The following NFYB variants were observed in gnomAD, a reference collection of about 807,000 sequenced individuals.
The protein encoded by NFYB is nuclear transcription factor Y subunit beta, also known as CAAT box DNA-binding protein subunit B.
A neutral mutation model predicts 28.0 loss-of-function variants in NFYB; 13 were observed. The ratio of observed to expected loss-of-function variants is 0.46; its 90% confidence interval spans 0.30 to 0.74. NFYB has a LOEUF of 0.74. NFYB is among the 30% of genes least tolerant of loss of function. The pLI, the probability that NFYB is intolerant of heterozygous loss-of-function variation, is 0.07. For missense variants in NFYB, 142 were observed against 247.6 expected (o/e 0.57, Z 2.86); for synonymous variants, 74 against 75.0 (o/e 0.99, Z 0.07).
chr12:104,126,160 G>C lies in NFYB; in HGVS notation c.185C>G (p.Ala62Gly). 1 of 1,602,734 alleles carries C rather than the reference G, an allele frequency of 6.2e-7. No homozygotes were observed. The highest frequency in any genetic ancestry group is 1.7e-5 in the Admixed American group (1 of 58,314). Residue 62 changes from alanine to glycine, a missense_variant, in exon 4 of 8, where the codon GCA becomes GGA. By Grantham distance (60) the Ala-to-Gly change is moderately conservative. Around this residue, in one of 2 missense-constraint regions of NFYB, gnomAD observed 88 missense variants for 189.5 expected, o/e 0.46. Coordinates refer to ENST00000240055, the MANE Select transcript of NFYB (RefSeq NM_006166.4). ...ATTTTTCATTATCCTAGCCACGTTT[G>C]CTATTGGAAGATATATATCTTGTTC... Reference protein sequence around the residue: ...FREQDIYLPIANVARIMKNAI... With the variant: ...FREQDIYLPIGNVARIMKNAI...
chr12:104,126,105 C>T lies in NFYB; in HGVS notation c.231+9G>A, dbSNP rs1250230196. On this transcript the variant is annotated intron_variant, in intron 4 of 7. Transcript: ENST00000240055. ...GAAAAAACCTAGTTAAATTTCTCCT[C>T]TACGTTACCTTTCCCGTTTGAGGTA... 2 of 1,576,716 alleles carry T rather than the reference C, an allele frequency of 1.3e-6. No homozygotes were observed. The highest frequency in any genetic ancestry group is 4.6e-5 in the East Asian group (2 of 43,914).
intron 2 of NFYB, chr12:104,131,923 A>G: frequency 2.7e-6 from 1 of 364,252 alleles, no homozygotes. Context: ...CCTAGTTTGA[A>G]TTCCCTGCCA....
At position 104,120,409 on chromosome 12, in the gene NFYB, T is replaced by A. The variant is rs970778824; in HGVS notation, c.582A>T (p.Ser194=). ...ATACAAAGGACTGTACCTGTTGATA[T>A]GATGTTGTGTAAACCATAACATTTT... ...QQQNVMVYTT[S]YQQISGVQQI... Residue 194 remains serine, a synonymous_variant, in exon 7 of 8, where the codon TCA becomes TCT. Transcript: ENST00000240055. 1 of 1,612,112 alleles carries A rather than the reference T, an allele frequency of 6.2e-7. No homozygotes were observed. Among genetic ancestry groups the A allele is most frequent in the East Asian group, 2.2e-5 (1 of 44,882 alleles).
intron 2 of NFYB, 124 bp from the exon 3 acceptor site, chr12:104,128,641 A>G: frequency 1.9e-6 from 1 of 526,590 alleles, no homozygotes; most frequent in Non-Finnish European, 3.4e-6. Flanking sequence ...AAGCTTACTA[A>G]AAGAGAATTT....
intron 1 of NFYB, chr12:104,137,799 G>A (rs2031169842): frequency 6.8e-6 from 1 of 147,296 alleles, no homozygotes; most frequent in South Asian, 2.1e-4. Flanking sequence ...GGACGCCGTC[G>A]AGAGCGGGGC....
In NFYB at chr12:104,123,200, A is replaced by G. The variant is rs550410209; in HGVS notation, c.429+26T>C. 316 of 1,548,348 alleles carry G rather than the reference A, an allele frequency of 2.0e-4. 2 individuals are homozygous for G. The East Asian group carries it at 7.0e-3, about 34-fold the overall frequency. ...CAAAAAAAAAAAGAAGAAAAAAAAA[A>G]GCACAATGGGAGATATTTTATTTAC... On this transcript the variant is annotated intron_variant, in intron 5 of 7. Coordinates refer to ENST00000240055, the MANE Select transcript of NFYB (RefSeq NM_006166.4).
chr12:104,124,542 G>A (rs554252683), intron 4 of NFYB, among the ~76,000 whole-genome samples: 1 of 152,288 alleles, frequency 6.6e-6, no homozygotes, highest in East Asian at 1.9e-4. Context: ...AGCCACATAT[G>A]TCAGTTTAGA....
At chr12:104,120,548 T>C (rs1369001360) in intron 6 of NFYB, 69 bp from the exon 7 acceptor site, 1 of 1,091,076 alleles carries the variant, frequency 9.2e-7, no homozygotes, top group African/African-American at 1.5e-5. Flanking sequence ...TATCTTAAGG[T>C]TGTACCATTA....
chr12:104,127,087 G>A (rs1047742143), intron 3 of NFYB, among the ~76,000 whole-genome samples: 5 of 152,134 alleles, frequency 3.3e-5, no homozygotes. Flanking sequence ...ACTAAATGCA[G>A]TATCCTGTAA....
In NFYB at chr12:104,124,251, G is replaced by T. The variant is rs375618270; in HGVS notation, c.232-828C>A. Among the ~76,000 whole-genome samples, 5 of 152,326 alleles carry T rather than the reference G, an allele frequency of 3.3e-5. No homozygotes were observed. In the East Asian group the frequency reaches 5.8e-4, roughly 18 times the overall value. On this transcript the variant is annotated intron_variant, in intron 4 of 7. Coordinates refer to ENST00000240055, the MANE Select transcript of NFYB (RefSeq NM_006166.4). The stretch of plus-strand genomic sequence containing the variant: ...TGACTTTGACTTTTTTATTATTTGG[G>T]ATACACAGTGTCAGATACAGGTTTT...
At chr12:104,125,273 T>G (rs2136654909) in intron 4 of NFYB, 1 of 156,318 alleles carries the variant, frequency 6.4e-6, no homozygotes, top group Non-Finnish European at 1.4e-5. Context: ...CCCGATCTCG[T>G]CTGATCTCGG....
rs536982251 is a variant in NFYB, at chr12:104,121,331, GAA to G, written c.430-12_430-11del. ...TTTCTCCTTTCATAGCCTGAGGAAG[GAA>G]AAAAAAAAAGTCACTGATATTCAAA... On this transcript the variant is annotated splice_polypyrimidine_tract_variant and intron_variant, in intron 5 of 7. Coordinates refer to ENST00000240055, the MANE Select transcript of NFYB (RefSeq NM_006166.4). The G allele has an allele frequency of 2.8e-4, 344 of 1,248,832 alleles. 2 individuals carry two copies. The South Asian group carries it at 3.7e-3, about 14-fold the overall frequency. 77.4% of individuals were successfully genotyped at this position (1,248,832 alleles called of 1,614,324 possible).
intron 5 of NFYB, among the ~76,000 whole-genome samples, chr12:104,122,764 C>A (rs1184699551): frequency 6.6e-6 from 1 of 152,142 alleles, no homozygotes; most frequent in Non-Finnish European, 1.5e-5. Flanking sequence ...TTGAGGACTG[C>A]TGATATAAGC....
At chr12:104,127,665 T>TC (rs1708593471) in intron 3 of NFYB, among the ~76,000 whole-genome samples, 1 of 113,080 alleles carries the variant, frequency 8.8e-6, no homozygotes, top group Non-Finnish European at 2.0e-5. Flanking sequence ...AACACTGCCT[T>TC]TTTTTTTTTT....
intron 3 of NFYB, among the ~76,000 whole-genome samples, 186 bp from the exon 4 acceptor site, chr12:104,126,430 T>A (rs761831795): frequency 6.6e-6 from 1 of 152,178 alleles, no homozygotes; most frequent in Non-Finnish European, 1.5e-5. Flanking sequence ...TTTATTAATT[T>A]CAGACTCACT....
intron 2 of NFYB, among the ~76,000 whole-genome samples, chr12:104,134,753 T>C (rs1027242228): frequency 5.9e-5 from 9 of 152,216 alleles, no homozygotes; most frequent in Non-Finnish European, 1.0e-4. Context: ...ATAAAAATCT[T>C]TGTGCTAGAA....
chr12:104,126,881 T>C (rs1243400910), intron 3 of NFYB, among the ~76,000 whole-genome samples: 1 of 152,230 alleles, frequency 6.6e-6, no homozygotes, highest in Non-Finnish European at 1.5e-5. Context: ...CTTGTCTGTA[T>C]AAAGTTTATA....
At chr12:104,136,636 T>C (rs1457149080) in intron 1 of NFYB, among the ~76,000 whole-genome samples, 1 of 152,146 alleles carries the variant, frequency 6.6e-6, no homozygotes, top group Non-Finnish European at 1.5e-5. Flanking sequence ...GCTATATTTA[T>C]GTATTTTGCT....
intron 2 of NFYB, among the ~76,000 whole-genome samples, chr12:104,135,040 C>CT (rs1323043116): frequency 6.6e-6 from 1 of 152,220 alleles, no homozygotes; most frequent in Non-Finnish European, 1.5e-5. Flanking sequence ...CTCCCACCCT[C>CT]TATTTCAAGG....
Sources: allele counts gnomAD v4.1 joint callset (sites outside exome capture counted in the v4.1 genomes callset), GRCh38; gene constraint gnomAD v4.1.1; regional missense constraint gnomAD v4.1.1; transcripts MANE v1.5; gene names NCBI Gene and HGNC (gene_info 2026-07-23, HGNC 2026-07-21).